Variants in INPP4A observed in about 807,000 individuals in gnomAD.
INPP4A encodes inositol polyphosphate-4-phosphatase type I A.
INPP4A carries 33 observed loss-of-function variants against 119.8 expected under a neutral mutation model. The observed-to-expected ratio is 0.28, with a 90% confidence interval of 0.21 to 0.37. The LOEUF (loss-of-function observed/expected upper bound fraction) is 0.37, where lower values mean the gene tolerates loss of function less well. Ranked by LOEUF, INPP4A falls within the 10% of genes least tolerant of loss-of-function variation. The probability of loss-of-function intolerance (pLI) is 1.00; values close to 1 mark genes in which losing one functional copy is unlikely to be tolerated. For missense variants in INPP4A, 956 were observed against 1,289.9 expected, an observed-to-expected ratio of 0.74 and a Z score of 3.97; for synonymous variants, 496 against 500.7, an observed-to-expected ratio of 0.99 and a Z score of 0.12.
chr2:98,467,431 A>G (rs569352824), intron 1 of INPP4A, among the ~76,000 whole-genome samples: 1 of 152,224 alleles, frequency 6.6e-6, no homozygotes, highest in African/African-American at 2.4e-5. Context: ...TGGTCTCTAC[A>G]TCTGTTTAAA....
At position 98,520,670 on chromosome 2, in the gene INPP4A, ATTTCT is replaced by A. The variant is rs878858984; in HGVS notation, c.107-11_107-7del. 2 of 1,460,448 alleles carry A rather than the reference ATTTCT, an allele frequency of 1.4e-6. No homozygotes were observed. The highest frequency in any genetic ancestry group is 9.3e-7 in the Non-Finnish European group (1 of 1,074,520). 90.5% of individuals were successfully genotyped at this position (1,460,448 alleles called of 1,614,324 possible). ...GTTTATTAAGGATGATTTTTCTGTC[ATTTCT>A]TTTCTATTCAGGAAATATACAAGAC... On this transcript the variant is annotated splice_polypyrimidine_tract_variant and intron_variant, in intron 3 of 24. Coordinates refer to ENST00000409851, the MANE Select transcript of INPP4A (RefSeq NM_001134225.2).
intron 10 of INPP4A, among the ~76,000 whole-genome samples, chr2:98,543,631 C>T (rs768413072): frequency 1.3e-5 from 2 of 152,198 alleles, no homozygotes; most frequent in Non-Finnish European, 2.9e-5. Context: ...GAACATTAGA[C>T]TAAATTCCCG....
intron 1 of INPP4A, among the ~76,000 whole-genome samples, chr2:98,476,962 T>G (rs1258627506): frequency 6.6e-6 from 1 of 152,150 alleles, no homozygotes; most frequent in Non-Finnish European, 1.5e-5. Context: ...TCCCCCTGTT[T>G]CTGGATGGCT....
chr2:98,525,022 C>T (rs1687921725), intron 4 of INPP4A, among the ~76,000 whole-genome samples: 1 of 152,240 alleles, frequency 6.6e-6, no homozygotes, highest in Non-Finnish European at 1.5e-5. Context: ...TCTCACAACA[C>T]CAAAATCAGT....
At chr2:98,501,028 C>T (rs1390966586) in intron 1 of INPP4A, among the ~76,000 whole-genome samples, 1 of 152,192 alleles carries the variant, frequency 6.6e-6, no homozygotes, top group African/African-American at 2.4e-5. Context: ...TGTGTTTAGG[C>T]CAGGTGCGGT....
chr2:98,465,993 C>T (rs981125808), intron 1 of INPP4A, among the ~76,000 whole-genome samples: 1 of 152,126 alleles, frequency 6.6e-6, no homozygotes, highest in African/African-American at 2.4e-5. Flanking sequence ...AGCCCTCCCC[C>T]CAGTAGCTTA....
At chr2:98,477,159 G>T (rs1275850708) in intron 1 of INPP4A, among the ~76,000 whole-genome samples, 2 of 152,272 alleles carry the variant, frequency 1.3e-5, no homozygotes, top group African/African-American at 2.4e-5. Flanking sequence ...AGGAGACTGA[G>T]GAGCAGAAGG....
intron 1 of INPP4A, among the ~76,000 whole-genome samples, chr2:98,484,467 G>A (rs1294752712): frequency 6.6e-6 from 1 of 152,144 alleles, no homozygotes; most frequent in Non-Finnish European, 1.5e-5. Flanking sequence ...TGACTGGGGT[G>A]GGAAGCCATG....
At chr2:98,463,131 C>T (rs946915178) in intron 1 of INPP4A, among the ~76,000 whole-genome samples, 1 of 152,168 alleles carries the variant, frequency 6.6e-6, no homozygotes, top group Non-Finnish European at 1.5e-5. Context: ...CGTGAGCCAC[C>T]GCGCCCAGCC....
At chr2:98,452,407 A>G (rs1434893857) in intron 1 of INPP4A, among the ~76,000 whole-genome samples, 1 of 152,196 alleles carries the variant, frequency 6.6e-6, no homozygotes, top group Non-Finnish European at 1.5e-5. Flanking sequence ...GCTGTGCTTT[A>G]AGAAGACTTC....
At chr2:98,483,019 A>G (rs558946608) in intron 1 of INPP4A, among the ~76,000 whole-genome samples, 2 of 152,140 alleles carry the variant, frequency 1.3e-5, no homozygotes, top group Non-Finnish European at 2.9e-5. Flanking sequence ...AAAATTCCAA[A>G]CCCTAACCAC....
Position 98,519,872 on chromosome 2 carries a change from G to T in INPP4A, c.-103-74G>T, listed in dbSNP as rs573011353. ...CTGTACCTCGCCCCCGGTAGGTCAC[G>T]TTCTTTCTAAATGAGAGCATGATTT... On this transcript the variant is annotated intron_variant, in intron 2 of 24. Transcript: ENST00000409851. The T allele has an allele frequency of 4.9e-6, 3 of 609,934 alleles. No homozygotes were observed. The East Asian group carries it at 8.7e-5, about 18-fold the overall frequency. The allele number at this position is 609,934 out of a possible 1,614,324, so 37.8% of individuals were successfully genotyped here.
At chr2:98,465,987 C>T (rs951989866) in intron 1 of INPP4A, among the ~76,000 whole-genome samples, 4 of 152,094 alleles carry the variant, frequency 2.6e-5, no homozygotes, top group African/African-American at 9.7e-5. Flanking sequence ...CACTCCAGCC[C>T]TCCCCCCAGT....
intron 1 of INPP4A, among the ~76,000 whole-genome samples, chr2:98,511,526 C>A (rs549577522): frequency 9.2e-5 from 14 of 152,208 alleles, no homozygotes; most frequent in African/African-American, 3.1e-4. Context: ...GGGCTGGGCC[C>A]CAGCTCTGAG....
intron 1 of INPP4A, among the ~76,000 whole-genome samples, chr2:98,484,711 G>T (rs894695914): frequency 1.3e-5 from 2 of 152,138 alleles, no homozygotes; most frequent in African/African-American, 4.8e-5. Flanking sequence ...TTTTATACGT[G>T]TTCTTTTCCT....
rs184548393 is a variant in INPP4A at position 98,590,113 on chromosome 2, A to C, written c.*2505A>C. ...AAGCCATGTATGCTGTAAATGTGCT[A>C]GTCTTTAGAATGACACATAATAAAT... On this transcript the variant is annotated 3_prime_UTR_variant, in exon 25 of 25. Transcript: ENST00000409851. 5.1e-6 allele frequency: 1 copy of C among 194,864 alleles called. No individual in the cohort carries two copies. The highest frequency in any genetic ancestry group is 8.1e-5 in the East Asian group (1 of 12,354). The allele number at this position is 194,864 out of a possible 1,614,324, so 12.1% of individuals were successfully genotyped here.
chr2:98,448,462 A>G (rs537361544), intron 1 of INPP4A, among the ~76,000 whole-genome samples: 4 of 152,132 alleles, frequency 2.6e-5, no homozygotes, highest in Non-Finnish European at 5.9e-5. Flanking sequence ...CTTTATAGCA[A>G]AAGAAAATCC....
intron 23 of INPP4A, among the ~76,000 whole-genome samples, chr2:98,574,287 C>T (rs1306521449): frequency 6.6e-6 from 1 of 152,060 alleles, no homozygotes; most frequent in Non-Finnish European, 1.5e-5. Flanking sequence ...CAGCCTCTTA[C>T]CTAAGTACCT....
chr2:98,541,396 G>T (rs754872545), intron 10 of INPP4A, among the ~76,000 whole-genome samples: 2 of 150,992 alleles, frequency 1.3e-5, no homozygotes, highest in African/African-American at 4.9e-5. Context: ...ATCACCAATT[G>T]TTAATATTTT....
Sources: allele counts gnomAD v4.1 joint callset (sites outside exome capture counted in the v4.1 genomes callset), GRCh38; gene constraint gnomAD v4.1.1; transcripts MANE v1.5; gene names NCBI Gene and HGNC (gene_info 2026-07-23, HGNC 2026-07-21).